Variants in NMD3 observed in about 807,000 individuals in gnomAD.
NMD3 encodes the protein 60S ribosomal export protein NMD3.
Under a neutral mutation model 73.1 loss-of-function variants are expected in NMD3, and 47 were observed. That is an observed-to-expected ratio of 0.64 (90% confidence interval 0.51 to 0.82). The LOEUF (loss-of-function observed/expected upper bound fraction) is 0.82. NMD3 is among the 40% of genes least tolerant of loss of function. The pLI is 0.00. For synonymous variants in NMD3, 210 were observed against 194.5 expected, an observed-to-expected ratio of 1.08 and a Z score of -0.66; for missense variants, 554 against 612.5, an observed-to-expected ratio of 0.90 and a Z score of 1.01.
Position 161,250,693 on chromosome 3 carries a change from A to G in NMD3, c.1382-87A>G, listed in dbSNP as rs1452878179. 5.2e-5 allele frequency: 40 copies of G among 772,518 alleles called. No individual in the cohort carries two copies. In the South Asian group the frequency reaches 5.4e-4, roughly 10 times the overall value. 47.9% of individuals were successfully genotyped at this position (772,518 alleles called of 1,614,324 possible). Reference sequence around the variant, plus strand: ...AGTTACATAATAATAATGATAAGGTAGATATTTGTATATTTTCAAATATAT... The same window carrying G: ...AGTTACATAATAATAATGATAAGGTGGATATTTGTATATTTTCAAATATAT... On this transcript the variant is annotated intron_variant, in intron 15 of 15. Transcript: ENST00000351193.
intron 7 of NMD3, among the ~76,000 whole-genome samples, chr3:161,235,954 T>A (rs1015211475): frequency 6.6e-6 from 1 of 152,134 alleles, no homozygotes; most frequent in African/African-American, 2.4e-5. Flanking sequence ...TTCAAAAAAC[T>A]ATTTTTAGTT....
chr3:161,230,628 A>G (rs1374020373), intron 4 of NMD3, among the ~76,000 whole-genome samples: 4 of 152,210 alleles, frequency 2.6e-5, no homozygotes, highest in Admixed American at 1.3e-4. Context: ...CCTTCATTCA[A>G]CAAGTATTCA....
At chr3:161,238,886 A>G in intron 9 of NMD3, 60 bp downstream of exon 9, 2 of 815,480 alleles carry the variant, frequency 2.5e-6, no homozygotes, top group South Asian at 3.3e-5. Flanking sequence ...TAATTGGCTT[A>G]TATGTAATTT....
rs751756121 is a variant in NMD3 at position 161,252,003 on chromosome 3, A to G, written c.*1093A>G. ...TGCCACTAAATAAAGAGATTGAGCA[A>G]GTGCCACTGTGTGGAACATTTTTCT... is the stretch of plus-strand genomic sequence containing the variant. On this transcript the variant is annotated 3_prime_UTR_variant, in exon 16 of 16. Transcript: ENST00000351193. 1 of 152,218 alleles carries G rather than the reference A, an allele frequency of 6.6e-6. No homozygotes were observed. Among genetic ancestry groups the G allele is most frequent in the Non-Finnish European group, 1.5e-5 (1 of 68,040 alleles). The allele number at this position is 152,218 out of a possible 1,614,324, so 9.4% of individuals were successfully genotyped here.
intron 13 of NMD3, 117 bp from the exon 14 acceptor site, chr3:161,249,337 C>T (rs1737381763): frequency 8.2e-6 from 5 of 606,896 alleles, no homozygotes; most frequent in Non-Finnish European, 1.4e-5. Context: ...ATCCCTTCTC[C>T]TTTCTCCTGA....
chr3:161,224,324 T>C (rs957934276), intron 2 of NMD3, among the ~76,000 whole-genome samples: 3 of 152,178 alleles, frequency 2.0e-5, no homozygotes, highest in Non-Finnish European at 4.4e-5. Flanking sequence ...ATAGAACATT[T>C]CTGTCGTGGC....
intron 13 of NMD3, among the ~76,000 whole-genome samples, chr3:161,247,978 G>C (rs576184090): frequency 6.6e-6 from 1 of 151,462 alleles, no homozygotes; most frequent in Admixed American, 6.6e-5. Context: ...TAGAGACGGG[G>C]TCTTGTTATG....
chr3:161,238,211 T>G lies in NMD3; in HGVS notation c.656+20T>G. On this transcript the variant is annotated intron_variant, in intron 8 of 15. Coordinates refer to ENST00000351193, the MANE Select transcript of NMD3 (RefSeq NM_015938.5). ...CTGTAGGTATGTTCTGAACCTTGAATGTGACTAAATCTAAGGACTTGGGAA... is the reference window on the plus strand; with the variant it reads ...CTGTAGGTATGTTCTGAACCTTGAAGGTGACTAAATCTAAGGACTTGGGAA... The G allele has an allele frequency of 6.8e-7, 1 of 1,475,956 alleles. No individual in the cohort carries two copies. The highest frequency in any genetic ancestry group is 1.4e-5 in the African/African-American group (1 of 70,882). 91.4% of individuals were successfully genotyped at this position (1,475,956 alleles called of 1,614,324 possible). A position where few individuals can be genotyped will look rare whatever the true frequency, so the allele number is the denominator to read the frequency against.
intron 10 of NMD3, 42 bp downstream of exon 10, chr3:161,241,205 A>G (rs1360391095): frequency 4.6e-6 from 5 of 1,079,592 alleles, no homozygotes; most frequent in Non-Finnish European, 1.4e-6. Context: ...TTTGTTTTGT[A>G]TGACAAACAA....
chr3:161,235,564 T>G (rs1736724697), intron 7 of NMD3, among the ~76,000 whole-genome samples: 1 of 152,198 alleles, frequency 6.6e-6, no homozygotes, highest in Non-Finnish European at 1.5e-5. Context: ...CCAATCTTGC[T>G]CTCAGTTAAG....
At chr3:161,250,668 A>C in intron 15 of NMD3, 112 bp from the exon 16 acceptor site, 1 of 656,682 alleles carries the variant, frequency 1.5e-6, no homozygotes, top group South Asian at 2.4e-5. Flanking sequence ...GATACAATGT[A>C]GTTACATAAT....
At chr3:161,246,553 C>T (rs952538779) in intron 12 of NMD3, 105 bp downstream of exon 12, 5 of 469,648 alleles carry the variant, frequency 1.1e-5, no homozygotes, top group African/African-American at 2.0e-5. Context: ...CTAAAAAGAT[C>T]GAAGGGTTCT....
chr3:161,243,791 T>G, intron 11 of NMD3, among the ~76,000 whole-genome samples: 1 of 152,144 alleles, frequency 6.6e-6, no homozygotes, highest in East Asian at 1.9e-4. Flanking sequence ...TTTTATTATA[T>G]CAAGAGACAA....
chr3:161,246,574 A>C, intron 12 of NMD3, 126 bp downstream of exon 12: 1 of 429,260 alleles, frequency 2.3e-6, no homozygotes, highest in Non-Finnish European at 4.2e-6. Flanking sequence ...TAGGAGCCTT[A>C]TAACTCATTT....
rs13319771 is a variant in NMD3 at position 161,234,486 on chromosome 3, A to G, written c.358-241A>G. Among the ~76,000 whole-genome samples the G allele has an allele frequency of 4.3e-3, 646 of 151,100 alleles. 5 individuals are homozygous for G. Among genetic ancestry groups the G allele is most frequent in the African/African-American group, 0.015 (624 of 41,232 alleles). ...AAAATATACACAGAATATTCTCACA[A>G]CCACTTCAGCTAAAGGAAAATTTGA... On this transcript the variant is annotated intron_variant, in intron 5 of 15. Coordinates refer to ENST00000351193, the MANE Select transcript of NMD3 (RefSeq NM_015938.5).
At chr3:161,234,908 A>G in intron 6 of NMD3, 53 bp downstream of exon 6, 2 of 1,581,838 alleles carry the variant, frequency 1.3e-6, no homozygotes, top group Non-Finnish European at 1.7e-6. Context: ...CGTCTTTGTT[A>G]ATTATAACTT....
At chr3:161,239,176 C>A (rs1447712828) in intron 9 of NMD3, among the ~76,000 whole-genome samples, 1 of 151,958 alleles carries the variant, frequency 6.6e-6, no homozygotes, top group African/African-American at 2.4e-5. Context: ...TATTAGTGAG[C>A]CACTTTGTGG....
At chr3:161,252,869 A>G (rs565325141), downstream of NMD3, 15 of 679,172 alleles carry the variant, frequency 2.2e-5, no homozygotes, top group East Asian at 3.9e-4. Context: ...GAGGCTGAGG[A>G]GGGCAGATCA....
At chr3:161,245,799 T>C (rs1429825444) in intron 11 of NMD3, among the ~76,000 whole-genome samples, 1 of 151,986 alleles carries the variant, frequency 6.6e-6, no homozygotes, top group African/African-American at 2.4e-5. Context: ...ATAGCAGATG[T>C]AGAGAATGAT....
Sources: gnomAD v4.1 joint callset for allele counts (sites outside exome capture counted in the v4.1 genomes callset) on GRCh38, gnomAD v4.1.1 for gene constraint, MANE v1.5 for transcripts, NCBI Gene and HGNC (gene_info 2026-07-23, HGNC 2026-07-21) for gene names.